The following MCU variants were observed in gnomAD, a reference collection of about 807,000 sequenced individuals.
MCU encodes calcium uniporter protein, mitochondrial.
Under a neutral mutation model 45.2 loss-of-function variants are expected in MCU, and 12 were observed. The ratio of observed to expected loss-of-function variants is 0.27; its 90% CI spans 0.17 to 0.43. The LOEUF (loss-of-function observed/expected upper bound fraction) is 0.43. Among genes scored for constraint, MCU ranks in the 20% least tolerant of loss-of-function variants. The probability of loss-of-function intolerance (pLI) is 1.00; values close to 1 mark genes in which losing one functional copy is unlikely to be tolerated. For missense variants in MCU, 324 were observed against 436.7 expected, an observed-to-expected ratio of 0.74 and a Z score of 2.30; for synonymous variants, 160 against 165.1, an observed-to-expected ratio of 0.97 and a Z score of 0.24.
At chr10:72,804,068 A>G (rs1353401945) in intron 1 of MCU, among the ~76,000 whole-genome samples, 9 of 73,306 alleles carry the variant, frequency 1.2e-4, no homozygotes, top group Non-Finnish European at 2.1e-4. Flanking sequence ...ATATATATAT[A>G]TATATAAAAT....
chr10:72,733,711 A>G (rs1381296520), intron 1 of MCU, among the ~76,000 whole-genome samples: 1 of 147,098 alleles, frequency 6.8e-6, no homozygotes, highest in Non-Finnish European at 1.5e-5. Flanking sequence ...ATATTTTTTT[A>G]AAGAACATTT....
intron 1 of MCU, among the ~76,000 whole-genome samples, chr10:72,744,437 G>A (rs1367654726): frequency 5.9e-5 from 9 of 152,276 alleles, no homozygotes; most frequent in Non-Finnish European, 1.3e-4. Context: ...TAGCTTTGGA[G>A]CAGAACACAA....
Position 72,882,708 on chromosome 10 carries a change from T to G in MCU, c.862-1558T>G, listed in dbSNP as rs573212559. On this transcript the variant is annotated intron_variant, in intron 6 of 7. Coordinates refer to ENST00000373053, the MANE Select transcript of MCU (RefSeq NM_138357.3). ...ATTAGCAATTTTAATTTTACCCCGG[T>G]CCTGTGGTCCTGTGATCTCGCCCTG... 9.9e-5 allele frequency among the ~76,000 whole-genome samples: 15 copies of G among 152,144 alleles called. No homozygotes were observed. The East Asian group carries it at 2.7e-3, about 27-fold the overall frequency.
chr10:72,722,638 C>T (rs534044402), intron 1 of MCU, among the ~76,000 whole-genome samples: 1 of 151,780 alleles, frequency 6.6e-6, no homozygotes, highest in South Asian at 2.1e-4. Flanking sequence ...GTAACTTTGA[C>T]AACCCATTTT....
chr10:72,848,539 C>T (rs147288800), intron 2 of MCU, among the ~76,000 whole-genome samples: 2 of 152,208 alleles, frequency 1.3e-5, no homozygotes, highest in African/African-American at 4.8e-5. Flanking sequence ...TGGGGCAGAG[C>T]CTTCATGACC....
intron 1 of MCU, among the ~76,000 whole-genome samples, chr10:72,734,475 T>C (rs2132688674): frequency 6.6e-6 from 1 of 152,342 alleles, no homozygotes; most frequent in South Asian, 2.1e-4. Context: ...ACTGGCCTAG[T>C]TAAAATTATA....
chr10:72,800,438 A>C (rs1439081345), intron 1 of MCU, among the ~76,000 whole-genome samples: 1 of 152,226 alleles, frequency 6.6e-6, no homozygotes, highest in African/African-American at 2.4e-5. Flanking sequence ...AATCCAAAGA[A>C]TTTTGAAATC....
intron 1 of MCU, among the ~76,000 whole-genome samples, chr10:72,786,533 G>A (rs1251335935): frequency 6.6e-6 from 1 of 152,116 alleles, no homozygotes; most frequent in East Asian, 1.9e-4. Context: ...TCACGTGGAG[G>A]TCAGGAGTTC....
At chr10:72,755,149 T>G (rs1589445945) in intron 1 of MCU, among the ~76,000 whole-genome samples, 1 of 149,334 alleles carries the variant, frequency 6.7e-6, no homozygotes, top group Middle Eastern at 3.4e-3. Flanking sequence ...ACCTGAGATT[T>G]TTTTTTTTTT....
intron 6 of MCU, among the ~76,000 whole-genome samples, chr10:72,881,888 G>A (rs931868241): frequency 1.6e-4 from 25 of 152,156 alleles, no homozygotes; most frequent in Admixed American, 8.5e-4. Flanking sequence ...TAGCCCCAAC[G>A]TGGAAACAAC....
At chr10:72,722,467 T>C (rs559784469) in intron 1 of MCU, among the ~76,000 whole-genome samples, 1 of 151,842 alleles carries the variant, frequency 6.6e-6, no homozygotes, top group Non-Finnish European at 1.5e-5. Context: ...ATAGCTAATA[T>C]TACAGTGAGG....
chr10:72,866,464 C>G (rs976016278), intron 4 of MCU, among the ~76,000 whole-genome samples: 6 of 151,980 alleles, frequency 3.9e-5, no homozygotes, highest in African/African-American at 1.4e-4. Flanking sequence ...GTGGCGCAAT[C>G]TCGGCTTACT....
chr10:72,747,433 T>A (rs1843430175), intron 1 of MCU, among the ~76,000 whole-genome samples: 1 of 152,214 alleles, frequency 6.6e-6, no homozygotes, highest in Non-Finnish European at 1.5e-5. Flanking sequence ...GATGAGGTAA[T>A]AAGGACTGTT....
rs112495931 is a variant in MCU, at chr10:72,707,265, C to G, written c.150+14964C>G. 7.6e-4 allele frequency among the ~76,000 whole-genome samples: 107 copies of G among 140,610 alleles called. 1 individual carries two copies. The Middle Eastern group carries it at 0.018, about 24-fold the overall frequency. The allele number at this position is 140,610 out of a possible 152,430, so 92.2% of individuals were successfully genotyped here. On this transcript the variant is annotated intron_variant, in intron 1 of 7. Transcript: ENST00000373053. ...CCATGCTGGAGGTCAGTGGTGTGAT[C>G]TTGGCTCACTGCAACCTCTGCCTCC...
At chr10:72,863,125 T>C (rs1386007978) in intron 4 of MCU, among the ~76,000 whole-genome samples, 1 of 152,190 alleles carries the variant, frequency 6.6e-6, no homozygotes, top group Non-Finnish European at 1.5e-5. Flanking sequence ...TTGCCCACTT[T>C]CCTCTGCCTA....
At chr10:72,853,007 C>A (rs2132859392) in intron 2 of MCU, among the ~76,000 whole-genome samples, 1 of 152,268 alleles carries the variant, frequency 6.6e-6, no homozygotes, top group East Asian at 1.9e-4. Context: ...TTCTCTAGAT[C>A]TGTCCTAAAA....
At chr10:72,735,030 C>T (rs867550130) in intron 1 of MCU, among the ~76,000 whole-genome samples, 94 of 149,550 alleles carry the variant, frequency 6.3e-4, no homozygotes, top group Middle Eastern at 6.9e-3. Flanking sequence ...GGGCTGTGAT[C>T]GGGCCACCGC....
chr10:72,827,726 TCCTTAAGTGAAACCAG>T (rs989929908), intron 1 of MCU, among the ~76,000 whole-genome samples: 42 of 152,326 alleles, frequency 2.8e-4, no homozygotes, highest in African/African-American at 1.0e-3. Context: ...ATTGTCACTT[TCCTTAAGTGAAACCAG>T]CCTTGTGAAA....
At chr10:72,755,202 T>C (rs1843558247) in intron 1 of MCU, among the ~76,000 whole-genome samples, 1 of 145,952 alleles carries the variant, frequency 6.9e-6, no homozygotes, top group Non-Finnish European at 1.5e-5. Context: ...TGGGCTAGAG[T>C]GCAATGGTAT....
Sources: gnomAD v4.1 joint callset for allele counts (sites outside exome capture counted in the v4.1 genomes callset) on GRCh38, gnomAD v4.1.1 for gene constraint, MANE v1.5 for transcripts, NCBI Gene and HGNC (gene_info 2026-07-23, HGNC 2026-07-21) for gene names.